Variants in CTNNA2 observed in about 807,000 individuals in gnomAD.
CTNNA2 encodes the protein catenin alpha-2.
CTNNA2 carries 42 observed loss-of-function variants against 101.0 expected under a neutral mutation model. The ratio of observed to expected loss-of-function variants is 0.42; its 90% CI spans 0.32 to 0.54. The LOEUF (loss-of-function observed/expected upper bound fraction) is 0.54, where lower values mean the gene tolerates loss of function less well. Ranked by LOEUF, CTNNA2 falls within the 20% of genes least tolerant of loss-of-function variation. The pLI is 0.14. For synonymous variants in CTNNA2, 450 were observed against 456.4 expected (o/e 0.99, Z 0.18); for missense variants, 871 against 1,223.1 (o/e 0.71, Z 4.29).
At chr2:79,783,757 T>C (rs1032216968) in intron 3 of CTNNA2, among the ~76,000 whole-genome samples, 1 of 152,182 alleles carries the variant, frequency 6.6e-6, no homozygotes, top group African/African-American at 2.4e-5. Context: ...TACATGCTTA[T>C]CTCAGTACAG....
intron 17 of CTNNA2, among the ~76,000 whole-genome samples, chr2:80,610,018 CTT>C (rs1183638798): frequency 6.6e-6 from 1 of 151,878 alleles, no homozygotes; most frequent in East Asian, 1.9e-4. Context: ...CTGTTCCCTT[CTT>C]TGAGTCTTGT....
intron 7 of CTNNA2, among the ~76,000 whole-genome samples, chr2:79,929,565 T>C (rs1687249265): frequency 6.6e-6 from 1 of 152,228 alleles, no homozygotes; most frequent in South Asian, 2.1e-4. Context: ...ATGCTGTAAC[T>C]AGAAATTAAA....
At chr2:79,973,446 A>G (rs1311160177) in intron 7 of CTNNA2, among the ~76,000 whole-genome samples, 1 of 152,188 alleles carries the variant, frequency 6.6e-6, no homozygotes, top group Non-Finnish European at 1.5e-5. Context: ...AGAGGAGAGA[A>G]AAACAGAGGG....
At chr2:79,811,646 A>T (rs1350013501) in intron 3 of CTNNA2, among the ~76,000 whole-genome samples, 2 of 152,148 alleles carry the variant, frequency 1.3e-5, no homozygotes, top group African/African-American at 4.8e-5. Flanking sequence ...AGAATCTTGA[A>T]ATCAAGTAAT....
In CTNNA2 at chr2:80,334,940, T is replaced by C. The variant is rs1022658738; in HGVS notation, c.1057-58271T>C. Among the ~76,000 whole-genome samples the C allele has an allele frequency of 5.3e-5, 8 of 152,232 alleles. 1 individual carries two copies. The highest frequency in any genetic ancestry group is 2.9e-5 in the Non-Finnish European group (2 of 68,040). ...ACCAGATTTGTCTTGTTTCCCACTG[T>C]AACTGCAGAACATAGAGTAGTTCCC... On this transcript the variant is annotated intron_variant, in intron 7 of 18. Coordinates refer to ENST00000402739, the MANE Select transcript of CTNNA2 (RefSeq NM_001282597.3).
intron 7 of CTNNA2, among the ~76,000 whole-genome samples, chr2:80,094,486 C>T (rs567991323): frequency 1.8e-4 from 28 of 152,176 alleles, no homozygotes; most frequent in Non-Finnish European, 1.8e-4. Context: ...CTTGGCAATG[C>T]GGGCTCTTTT....
chr2:80,173,854 C>A (rs1454219605), intron 7 of CTNNA2, among the ~76,000 whole-genome samples: 1 of 152,130 alleles, frequency 6.6e-6, no homozygotes, highest in Non-Finnish European at 1.5e-5. Context: ...CTACAGTATA[C>A]CACTAGTAGC....
At chr2:79,973,746 T>A (rs1159419163) in intron 7 of CTNNA2, among the ~76,000 whole-genome samples, 1 of 151,746 alleles carries the variant, frequency 6.6e-6, no homozygotes, top group Non-Finnish European at 1.5e-5. Context: ...AACTGAGGAG[T>A]GTTACATAAT....
At chr2:79,256,062 TTAAA>T (rs1176665805) in intron 2 of CTNNA2, among the ~76,000 whole-genome samples, 27 of 152,110 alleles carry the variant, frequency 1.8e-4, no homozygotes, top group African/African-American at 6.5e-4. Context: ...ATTATGAAGA[TTAAA>T]TAAATAAATA....
chr2:80,403,148 T>C (rs1678723149), intron 8 of CTNNA2, among the ~76,000 whole-genome samples: 2 of 152,218 alleles, frequency 1.3e-5, no homozygotes, highest in African/African-American at 4.8e-5. Flanking sequence ...TGTTGAGTCA[T>C]GTTGAAGCTG....
intron 17 of CTNNA2, among the ~76,000 whole-genome samples, chr2:80,614,190 T>C (rs1698671816): frequency 1.3e-5 from 2 of 151,424 alleles, no homozygotes; most frequent in Admixed American, 1.3e-4. Flanking sequence ...GGGAGGTACC[T>C]GGATGAGGGG....
intron 9 of CTNNA2, among the ~76,000 whole-genome samples, chr2:80,487,527 C>T (rs1414113669): frequency 6.6e-6 from 1 of 151,988 alleles, no homozygotes; most frequent in Non-Finnish European, 1.5e-5. Flanking sequence ...AGGGGAAAAG[C>T]CCCTTATAAA....
At chr2:79,232,042 C>T (rs1350917960) in intron 2 of CTNNA2, among the ~76,000 whole-genome samples, 7 of 151,978 alleles carry the variant, frequency 4.6e-5, no homozygotes, top group Non-Finnish European at 1.5e-5. Context: ...AGTTGGATGC[C>T]TTTTATTTCT....
At chr2:79,718,353 G>A (rs1448200879) in intron 2 of CTNNA2, among the ~76,000 whole-genome samples, 1 of 152,090 alleles carries the variant, frequency 6.6e-6, no homozygotes, top group African/African-American at 2.4e-5. Context: ...AATATGCTTA[G>A]CATAAAATTT....
rs114470873 is a variant in CTNNA2, at chr2:80,130,408, G to A, written c.1056+220611G>A. Among the ~76,000 whole-genome samples, 873 of 152,170 alleles carry A rather than the reference G, an allele frequency of 5.7e-3. 8 individuals are homozygous for A. Among genetic ancestry groups the A allele is most frequent in the Admixed American group, 0.01 (155 of 15,272 alleles). ...GTATTCCAACTATTTTTCATGAGTG[G>A]GAGAAAAAGAGATAGAGTTACAACT... On this transcript the variant is annotated intron_variant, in intron 7 of 18. Coordinates refer to ENST00000402739, the MANE Select transcript of CTNNA2 (RefSeq NM_001282597.3).
At position 79,687,179 on chromosome 2, in the gene CTNNA2, A is replaced by C. The variant is rs116546539; in HGVS notation, c.102+35521A>C. 3.7e-3 allele frequency among the ~76,000 whole-genome samples: 559 copies of C among 152,218 alleles called. 3 individuals are homozygous for C. The highest frequency in any genetic ancestry group is 6.3e-3 in the Non-Finnish European group (425 of 67,984). On this transcript the variant is annotated intron_variant, in intron 2 of 18. Coordinates refer to ENST00000402739, the MANE Select transcript of CTNNA2 (RefSeq NM_001282597.3). ...GCAGGGAATCAAGAGTGTTGGTTGA[A>C]TAAAATGTAAAGACCCCTTGGTGAG...
chr2:80,482,749 A>G (rs577812005), intron 9 of CTNNA2, among the ~76,000 whole-genome samples: 5 of 152,190 alleles, frequency 3.3e-5, no homozygotes, highest in Admixed American at 2.6e-4. Flanking sequence ...AAATCAGGAG[A>G]TTTTTTACAT....
At chr2:79,348,201 TA>T (rs1677306730) in intron 3 of CTNNA2, among the ~76,000 whole-genome samples, 2 of 152,344 alleles carry the variant, frequency 1.3e-5, no homozygotes, top group South Asian at 4.1e-4. Flanking sequence ...GTTTCATTTT[TA>T]AAAGGACTAT....
Position 79,307,504 on chromosome 2 carries a change from C to T in CTNNA2, c.-405-5205C>T, listed in dbSNP as rs572904866. On this transcript the variant is annotated intron_variant, in intron 2 of 21. Coordinates refer to the CTNNA2 transcript ENST00000466387. ...AACTTTCTGTTCCTTGCTTATTTCA[C>T]ATAACATAATGTCCTCCAGCAATGT... Among the ~76,000 whole-genome samples the T allele has an allele frequency of 2.0e-5, 3 of 152,290 alleles. No individual in the cohort carries two copies. In the East Asian group the frequency reaches 5.8e-4, roughly 29 times the overall value.
Sources: allele counts gnomAD v4.1 joint callset (sites outside exome capture counted in the v4.1 genomes callset), GRCh38; gene constraint gnomAD v4.1.1; transcripts MANE v1.5; gene names NCBI Gene and HGNC (gene_info 2026-07-23, HGNC 2026-07-21).